The following BCL2L13 variants were observed in gnomAD, a reference collection of about 807,000 sequenced individuals.
The protein encoded by BCL2L13 is bcl-2-like protein 13.
Under a neutral mutation model 25.8 loss-of-function variants are expected in BCL2L13, and 13 were observed. The observed-to-expected ratio is 0.50, with a 90% CI of 0.33 to 0.80. The LOEUF is 0.80. BCL2L13 is among the 30% of genes least tolerant of loss of function. The pLI, the probability that BCL2L13 is intolerant of heterozygous loss-of-function variation, is 0.02. For synonymous variants in BCL2L13, 244 were observed against 230.3 expected (o/e 1.06, Z -0.54); for missense variants, 504 against 574.9 (o/e 0.88, Z 1.26).
rs191136494 is a variant in BCL2L13, at chr22:17,655,528, C to T, written c.-50-134C>T. 2,145 of 518,478 alleles carry T rather than the reference C, an allele frequency of 4.1e-3. 11 individuals are homozygous for T. The highest frequency in any genetic ancestry group is 5.3e-3 in the Non-Finnish European group (1,764 of 331,324). 32.1% of individuals were successfully genotyped at this position (518,478 alleles called of 1,614,324 possible). On this transcript the variant is annotated intron_variant, in intron 1 of 6. Coordinates refer to ENST00000317582, the MANE Select transcript of BCL2L13 (RefSeq NM_015367.4). ...AGGTTGTGGTGAGCTGAGATTGCGC[C>T]ACTGCACTCCTGCCTGAGCGACAAG... is the stretch of plus-strand genomic sequence containing the variant.
At chr22:17,709,116 G>C (rs1489082305) in intron 6 of BCL2L13, among the ~76,000 whole-genome samples, 1 of 151,978 alleles carries the variant, frequency 6.6e-6, no homozygotes, top group Non-Finnish European at 1.5e-5. Context: ...GGCACCTGTA[G>C]TCCCAGCTAC....
upstream of BCL2L13, among the ~76,000 whole-genome samples, chr22:17,635,249 A>T (rs979269266): frequency 6.6e-6 from 1 of 151,890 alleles, no homozygotes; most frequent in African/African-American, 2.4e-5. Context: ...AAAATTAAAT[A>T]AAAAAGGGCC....
At chr22:17,667,220 G>A (rs959593242) in intron 2 of BCL2L13, among the ~76,000 whole-genome samples, 1 of 152,120 alleles carries the variant, frequency 6.6e-6, no homozygotes, top group Non-Finnish European at 1.5e-5. Context: ...CCACCAGGGT[G>A]GAGTGCAATG....
At chr22:17,633,837 G>A (rs1018848596), upstream of BCL2L13, among the ~76,000 whole-genome samples, 1 of 151,976 alleles carries the variant, frequency 6.6e-6, no homozygotes, top group South Asian at 2.1e-4. Context: ...ATGGCATCAA[G>A]TCACTCCCCA....
intron 5 of BCL2L13, among the ~76,000 whole-genome samples, chr22:17,700,944 C>T (rs2060414974): frequency 6.6e-6 from 1 of 152,236 alleles, no homozygotes; most frequent in African/African-American, 2.4e-5. Context: ...TGTCGTCCCT[C>T]AGTTATTTCC....
intron 1 of BCL2L13, among the ~76,000 whole-genome samples, chr22:17,645,515 G>A (rs1346636076): frequency 6.6e-6 from 1 of 151,450 alleles, no homozygotes; most frequent in Non-Finnish European, 1.5e-5. Context: ...GAGCCACCAT[G>A]CCTGGTTTAT....
chr22:17,701,338 T>C (rs1020711076), intron 5 of BCL2L13, among the ~76,000 whole-genome samples: 1 of 152,204 alleles, frequency 6.6e-6, no homozygotes, highest in African/African-American at 2.4e-5. Context: ...AAAAGTTTTC[T>C]CTCATCCTTG....
chr22:17,671,190 C>T (rs927468336), intron 2 of BCL2L13, among the ~76,000 whole-genome samples: 3 of 151,972 alleles, frequency 2.0e-5, no homozygotes, highest in Non-Finnish European at 4.4e-5. Flanking sequence ...GTCAAGAGAT[C>T]GAGACCATCC....
intron 3 of BCL2L13, among the ~76,000 whole-genome samples, chr22:17,687,079 A>G (rs1341166828): frequency 2.0e-5 from 3 of 152,194 alleles, no homozygotes; most frequent in African/African-American, 7.2e-5. Context: ...TTATAAAGAA[A>G]CACATACTTT....
rs1425607978 is a variant in BCL2L13 at position 17,659,717 on chromosome 22, A to G, written c.121+3885A>G. Among the ~76,000 whole-genome samples, 2 of 146,304 alleles carry G rather than the reference A, an allele frequency of 1.4e-5. 1 individual carries two copies. Among genetic ancestry groups the G allele is most frequent in the Non-Finnish European group, 3.1e-5 (2 of 64,324 alleles). On this transcript the variant is annotated intron_variant, in intron 2 of 6. Coordinates refer to ENST00000317582, the MANE Select transcript of BCL2L13 (RefSeq NM_015367.4). ...AAACAAACCTGAAATGATGACAAGC[A>G]ACAACAAAGTGGATTTCCAGTCTAG...
intron 6 of BCL2L13, among the ~76,000 whole-genome samples, chr22:17,717,493 T>C (rs1004744612): frequency 1.3e-5 from 2 of 152,156 alleles, no homozygotes; most frequent in African/African-American, 4.8e-5. Flanking sequence ...TCTTACCATC[T>C]TACCCAGGTG....
chr22:17,674,381 C>T (rs1051061510), intron 2 of BCL2L13, among the ~76,000 whole-genome samples: 7 of 151,826 alleles, frequency 4.6e-5, no homozygotes, highest in East Asian at 1.9e-4. Flanking sequence ...CTGAGGCGGG[C>T]GGATCACAAG....
Position 17,729,459 on chromosome 22 carries a change from A to G in BCL2L13, c.*1925A>G, listed in dbSNP as rs568571264. The stretch of plus-strand genomic sequence containing the variant: ...TTCTAATTGCTATATTTGTGTTTGC[A>G]TAGGTGAAGAGCAAACTGGTGCGTT... On this transcript the variant is annotated 3_prime_UTR_variant, in exon 7 of 7. Transcript: ENST00000317582. The G allele has an allele frequency of 2.3e-4, 35 of 152,334 alleles. No individual in the cohort carries two copies. Among genetic ancestry groups the G allele is most frequent in the African/African-American group, 8.2e-4 (34 of 41,570 alleles). 9.4% of individuals were successfully genotyped at this position (152,334 alleles called of 1,614,324 possible).
At chr22:17,635,243 T>A (rs2058085966), upstream of BCL2L13, among the ~76,000 whole-genome samples, 1 of 150,754 alleles carries the variant, frequency 6.6e-6, no homozygotes, top group African/African-American at 2.4e-5. Flanking sequence ...AACTAAAAAA[T>A]TAAATAAAAA....
At chr22:17,639,936 C>T (rs900062831) in intron 1 of BCL2L13, among the ~76,000 whole-genome samples, 1 of 151,718 alleles carries the variant, frequency 6.6e-6, no homozygotes, top group African/African-American at 2.4e-5. Context: ...CTTACCGCAA[C>T]CTCCGCCTCC....
At chr22:17,688,627 C>T (rs1187556572) in intron 3 of BCL2L13, among the ~76,000 whole-genome samples, 1 of 152,126 alleles carries the variant, frequency 6.6e-6, no homozygotes, top group Non-Finnish European at 1.5e-5. Context: ...AATTTATGAC[C>T]TATCAATGTT....
At chr22:17,653,459 A>G (rs1315880977) in intron 1 of BCL2L13, among the ~76,000 whole-genome samples, 1 of 124,010 alleles carries the variant, frequency 8.1e-6, no homozygotes, top group Non-Finnish European at 1.7e-5. Flanking sequence ...CCTTGCGTCT[A>G]CTCTTCAGTC....
At chr22:17,665,696 T>A (rs2059212804) in intron 2 of BCL2L13, among the ~76,000 whole-genome samples, 1 of 152,192 alleles carries the variant, frequency 6.6e-6, no homozygotes, top group African/African-American at 2.4e-5. Flanking sequence ...AATCTTCCTA[T>A]CACCAGTGTA....
intron 3 of BCL2L13, among the ~76,000 whole-genome samples, chr22:17,687,030 A>C (rs912247995): frequency 6.6e-6 from 1 of 152,128 alleles, no homozygotes; most frequent in Non-Finnish European, 1.5e-5. Context: ...GTATTTGTGA[A>C]CTTTGCAGCC....
Sources: allele counts gnomAD v4.1 joint callset (sites outside exome capture counted in the v4.1 genomes callset), GRCh38; gene constraint gnomAD v4.1.1; transcripts MANE v1.5; gene names NCBI Gene and HGNC (gene_info 2026-07-23, HGNC 2026-07-21).